Variants in FAM149A observed in about 807,000 individuals in gnomAD.
The protein encoded by FAM149A is protein FAM149A.
A neutral mutation model predicts 78.2 loss-of-function variants in FAM149A; 71 were observed. The ratio of observed to expected loss-of-function variants is 0.91; its 90% CI spans 0.75 to 1.11. The LOEUF is 1.11. Among genes scored for constraint, FAM149A ranks in the 50% least tolerant of loss-of-function variants. FAM149A has a pLI of 0.00. For synonymous variants in FAM149A, 446 were observed against 410.5 expected (o/e 1.09, Z -1.04); for missense variants, 1,036 against 971.0 (o/e 1.07, Z -0.89).
chr4:186,154,513 C>T lies in FAM149A; in HGVS notation c.1104C>T (p.Ala368=). ...AAATAGTCCCAGCAGCACTCTCAGC[C>T]TCTGCCCTGCCAGGCCCTGATGACA... Residue 368 remains alanine (A), a synonymous_variant, in exon 6 of 14, where the codon GCC becomes GCT. Transcript: ENST00000389354. 6.2e-7 allele frequency: 1 copy of T among 1,614,140 alleles called. No individual in the cohort carries two copies. The highest frequency in any genetic ancestry group is 1.3e-5 in the African/African-American group (1 of 75,054).
At chr4:186,163,671 G>T (rs779919307) in intron 10 of FAM149A, 38 bp downstream of exon 10, 1 of 1,481,408 alleles carries the variant, frequency 6.8e-7, no homozygotes, top group East Asian at 2.3e-5. Flanking sequence ...TAAAGGCCAC[G>T]GAGGACCTAG....
rs913434968 is a variant in FAM149A, at chr4:186,145,009, C to T, written c.567-4164C>T. 4.1e-6 allele frequency: 4 copies of T among 980,626 alleles called. No homozygotes were observed. In the Admixed American group the frequency reaches 1.9e-4, roughly 46 times the overall value. The allele number at this position is 980,626 out of a possible 1,614,324, so 60.7% of individuals were successfully genotyped here. A position where few individuals can be genotyped will look rare whatever the true frequency, so the allele number is the denominator to read the frequency against. On this transcript the variant is annotated intron_variant, in intron 1 of 13. Coordinates refer to ENST00000389354, the MANE Select transcript of FAM149A (RefSeq NM_001367768.3). ...GCCGCGGGGGCGCGTGACCGGCTGT[C>T]TGCGTGGGGCCCGCGCGCGGTGCCT...
At chr4:186,124,131 G>A (rs1226253184) in intron 1 of FAM149A, 2 of 985,134 alleles carry the variant, frequency 2.0e-6, no homozygotes, top group African/African-American at 1.7e-5. Flanking sequence ...CTTACGATAA[G>A]ATACCAAGAT....
rs767283630 is a variant in FAM149A at position 186,149,633 on chromosome 4, G to A, written c.718G>A (p.Gly240Arg). Reference sequence around the variant, plus strand: ...CACGGGAGCCCACACCTCTTGGTCTGGGTCGGCCACACAGAGCTCTACCAC... The same window carrying A: ...CACGGGAGCCCACACCTCTTGGTCTAGGTCGGCCACACAGAGCTCTACCAC... The change falls in exon 3 of 14, where the codon GGG (glycine) becomes AGG (arginine). Residue 240 changes from glycine to arginine, a missense_variant. Gly to Arg is a moderately radical substitution (Grantham distance 125). Around this residue, in one of 3 missense-constraint regions of FAM149A, gnomAD observed 716 missense variants for 711.8 expected, o/e 1.01. Transcript: ENST00000389354. 1.9e-5 allele frequency: 24 copies of A among 1,289,894 alleles called. No homozygotes were observed. The highest frequency in any genetic ancestry group is 2.3e-5 in the Non-Finnish European group (23 of 988,900). The allele number at this position is 1,289,894 out of a possible 1,614,324, so 79.9% of individuals were successfully genotyped here.
At chr4:186,113,005 C>T (rs201407539) in intron 1 of FAM149A, among the ~76,000 whole-genome samples, 136,497 of 138,352 alleles carry the variant, frequency 0.99, 67,373 homozygotes, top group East Asian at 1. Flanking sequence ...TGATAGAATT[C>T]GGCTGTGAAT....
chr4:186,123,427 G>A (rs2099316916), intron 1 of FAM149A: 1 of 937,522 alleles, frequency 1.1e-6, no homozygotes, highest in Non-Finnish European at 1.3e-6. Context: ...GTTCCTGTAT[G>A]TTCTTGCTGG....
Position 186,172,231 on chromosome 4 carries a change from GC to G in FAM149A, c.*248del. The G allele has an allele frequency of 2.3e-6, 1 of 437,052 alleles. No individual in the cohort carries two copies. Among genetic ancestry groups the G allele is most frequent in the Non-Finnish European group, 3.9e-6 (1 of 254,886 alleles). The allele number at this position is 437,052 out of a possible 1,614,324, so 27.1% of individuals were successfully genotyped here. A position where few individuals can be genotyped will look rare whatever the true frequency, so the allele number is the denominator to read the frequency against. On this transcript the variant is annotated 3_prime_UTR_variant, in exon 14 of 14. Coordinates refer to ENST00000389354, the MANE Select transcript of FAM149A (RefSeq NM_001367768.3). ...AAGGTTCTGTAGGCTTTGTTCAGAAGCCCCTGATGTGTGTTTGCAGTCCGTC... is the reference window on the plus strand; with the variant it reads ...AAGGTTCTGTAGGCTTTGTTCAGAAGCCCTGATGTGTGTTTGCAGTCCGTC...
intron 1 of FAM149A, chr4:186,109,104 C>G: frequency 1.2e-6 from 1 of 840,472 alleles, no homozygotes; most frequent in Non-Finnish European, 1.4e-6. Context: ...GCCTCGGCCT[C>G]CCGAAGTGCT....
chr4:186,109,389 C>A, intron 1 of FAM149A: 2 of 780,518 alleles, frequency 2.6e-6, no homozygotes, highest in Non-Finnish European at 3.1e-6. Context: ...CTTGAAGGGC[C>A]TGTCAGCATG....
At chr4:186,127,545 C>A in intron 1 of FAM149A, 4 of 985,412 alleles carry the variant, frequency 4.1e-6, no homozygotes, top group Non-Finnish European at 4.8e-6. Flanking sequence ...CTTACAGCAT[C>A]CATCAGAGGA....
At chr4:186,139,036 A>G (rs953861195) in intron 1 of FAM149A, among the ~76,000 whole-genome samples, 1 of 152,182 alleles carries the variant, frequency 6.6e-6, no homozygotes, top group Non-Finnish European at 1.5e-5. Flanking sequence ...TATTTCTATC[A>G]ATATGGGCTC....
At chr4:186,143,089 A>G (rs180713385) in intron 1 of FAM149A, among the ~76,000 whole-genome samples, 134 of 151,920 alleles carry the variant, frequency 8.8e-4, no homozygotes, top group Admixed American at 1.7e-3. Flanking sequence ...AATAATATAT[A>G]TAAAAGTAAA....
chr4:186,112,299 G>C (rs1381264461), intron 1 of FAM149A, among the ~76,000 whole-genome samples: 3 of 149,382 alleles, frequency 2.0e-5, no homozygotes, highest in East Asian at 2.0e-4. Flanking sequence ...ATTTTGGGCT[G>C]AGACAGTGGG....
chr4:186,127,567 T>C (rs2099318857), intron 1 of FAM149A: 1 of 985,344 alleles, frequency 1.0e-6, no homozygotes, highest in Admixed American at 6.1e-5. Context: ...GACATGTCCA[T>C]GCGAGAAGCA....
rs192680395 is a variant in FAM149A, at chr4:186,169,553, G to A, written c.2218+2291G>A. The A allele has an allele frequency of 1.1e-5, 11 of 985,384 alleles. No homozygotes were observed. In the Admixed American group the frequency reaches 1.8e-4, roughly 17 times the overall value. The allele number at this position is 985,384 out of a possible 1,614,324, so 61.0% of individuals were successfully genotyped here. A position where few individuals can be genotyped will look rare whatever the true frequency, so the allele number is the denominator to read the frequency against. ...CACTCTGTCAACGTCAGCCCACCACGCTGCTCACACAGGGAGTCGCCTCTC... is the reference window on the plus strand; with the variant it reads ...CACTCTGTCAACGTCAGCCCACCACACTGCTCACACAGGGAGTCGCCTCTC... On this transcript the variant is annotated intron_variant, in intron 13 of 13. Transcript: ENST00000389354.
At chr4:186,145,572 A>G (rs1579864253) in intron 1 of FAM149A, among the ~76,000 whole-genome samples, 1 of 152,212 alleles carries the variant, frequency 6.6e-6, no homozygotes, top group Non-Finnish European at 1.5e-5. Context: ...AACCTAAAAC[A>G]GTAACTCTGG....
rs760384161 is a variant in FAM149A, at chr4:186,105,046, G to T, written c.-31G>T. The T allele has an allele frequency of 2.4e-6, 3 of 1,264,420 alleles. No individual in the cohort carries two copies. The South Asian group carries it at 3.8e-5, about 16-fold the overall frequency. The allele number at this position is 1,264,420 out of a possible 1,614,324, so 78.3% of individuals were successfully genotyped here. ...TCTCCGCGGTCTGAACTCTCGGGCGGCGGCGAGGACGGCGTGTCCACTGTC... is the reference window on the plus strand; with the variant it reads ...TCTCCGCGGTCTGAACTCTCGGGCGTCGGCGAGGACGGCGTGTCCACTGTC... On this transcript the variant is annotated 5_prime_UTR_variant, in exon 1 of 14. Coordinates refer to ENST00000389354, the MANE Select transcript of FAM149A (RefSeq NM_001367768.3).
At chr4:186,167,511 C>CAAA in intron 13 of FAM149A, 7 of 279,754 alleles carry the variant, frequency 2.5e-5, no homozygotes, top group Admixed American at 1.4e-4. Flanking sequence ...GGGCCTCACT[C>CAAA]AAAAAAAAAA....
At chr4:186,125,554 G>A (rs2099317957) in intron 1 of FAM149A, 1 of 365,454 alleles carries the variant, frequency 2.7e-6, no homozygotes, top group African/African-American at 2.2e-5. Context: ...GGATGTCAAT[G>A]CAGTGAAATA....
Sources: allele counts gnomAD v4.1 joint callset (sites outside exome capture counted in the v4.1 genomes callset), GRCh38; gene constraint gnomAD v4.1.1; regional missense constraint gnomAD v4.1.1; transcripts MANE v1.5; gene names NCBI Gene and HGNC (gene_info 2026-07-23, HGNC 2026-07-21).